Variants in LGR6 observed in about 807,000 individuals in gnomAD.
LGR6 encodes leucine-rich repeat-containing G protein-coupled receptor 6.
LGR6 carries 45 observed loss-of-function variants against 69.4 expected under a neutral mutation model. That is an observed-to-expected ratio of 0.65 (90% CI 0.51 to 0.83). The LOEUF (loss-of-function observed/expected upper bound fraction) is 0.83, where lower values mean the gene tolerates loss of function less well. LGR6 is among the 40% of genes least tolerant of loss of function. LGR6 has a pLI of 0.00. For missense variants in LGR6, 1,108 were observed against 1,246.7 expected, an observed-to-expected ratio of 0.89 and a Z score of 1.68; for synonymous variants, 538 against 555.0, an observed-to-expected ratio of 0.97 and a Z score of 0.43.
At chr1:202,199,393 G>T (rs1445266894) in intron 1 of LGR6, among the ~76,000 whole-genome samples, 1 of 152,026 alleles carries the variant, frequency 6.6e-6, no homozygotes, top group Admixed American at 6.6e-5. Flanking sequence ...GCCGGAGGTG[G>T]GTGAATGTGT....
At chr1:202,265,241 C>T (rs990643441) in intron 4 of LGR6, among the ~76,000 whole-genome samples, 1 of 152,152 alleles carries the variant, frequency 6.6e-6, no homozygotes, top group Non-Finnish European at 1.5e-5. Flanking sequence ...GCTCAGTTGA[C>T]CTCCTCTGCT....
Position 202,193,849 on chromosome 1 carries a change from G to A in LGR6, c.-141G>A, listed in dbSNP as rs1571796741. On this transcript the variant is annotated 5_prime_UTR_variant, in exon 1 of 18. Coordinates refer to ENST00000367278, the MANE Select transcript of LGR6 (RefSeq NM_001017403.2). Reference sequence around the variant, plus strand: ...ACTGCACCGTCCCGGCGCTCCCACCGCCGCCGCCGCCGCCCAATAGAGCCC... The same window carrying A: ...ACTGCACCGTCCCGGCGCTCCCACCACCGCCGCCGCCGCCCAATAGAGCCC... 7.4e-5 allele frequency: 24 copies of A among 325,138 alleles called. No individual in the cohort carries two copies. Among genetic ancestry groups the A allele is most frequent in the East Asian group, 1.3e-4 (2 of 15,968 alleles). The allele number at this position is 325,138 out of a possible 1,614,324, so 20.1% of individuals were successfully genotyped here.
chr1:202,277,625 G>A (rs1418716274), intron 5 of LGR6, among the ~76,000 whole-genome samples: 1 of 152,122 alleles, frequency 6.6e-6, no homozygotes, highest in Non-Finnish European at 1.5e-5. Flanking sequence ...GAAGGAGCAG[G>A]CATTTATTGA....
In LGR6 at chr1:202,252,654, T is replaced by C. The variant is rs538267777; in HGVS notation, c.428+16661T>C. ...GTGGAAAGGAACAGGGCACTGACAA[T>C]ACATAGCCTTTAGGTACTGCCCAGA... is the stretch of plus-strand genomic sequence containing the variant. On this transcript the variant is annotated intron_variant, in intron 4 of 17. Transcript: ENST00000367278. Among the ~76,000 whole-genome samples the C allele has an allele frequency of 5.9e-5, 9 of 152,284 alleles. No individual in the cohort carries two copies. The South Asian group carries it at 1.9e-3, about 32-fold the overall frequency.
At chr1:202,225,586 G>T in intron 2 of LGR6, 92 bp downstream of exon 2, 1 of 1,136,674 alleles carries the variant, frequency 8.8e-7, no homozygotes, top group Non-Finnish European at 1.3e-6. Context: ...GTGGAGAGAA[G>T]AGAAAGGGGC....
chr1:202,216,879 C>T (rs184565770), intron 1 of LGR6, among the ~76,000 whole-genome samples: 6 of 152,362 alleles, frequency 3.9e-5, no homozygotes, highest in Non-Finnish European at 5.9e-5. Context: ...TGAGAAGCTT[C>T]TCCTGGCTCT....
chr1:202,248,705 G>A (rs556519133), intron 4 of LGR6, among the ~76,000 whole-genome samples: 1 of 152,334 alleles, frequency 6.6e-6, no homozygotes, highest in South Asian at 2.1e-4. Context: ...GCAGCCCACA[G>A]AGAGGACATC....
chr1:202,262,730 C>T (rs868693342), intron 4 of LGR6, among the ~76,000 whole-genome samples: 16 of 152,228 alleles, frequency 1.1e-4, no homozygotes, highest in South Asian at 4.1e-4. Flanking sequence ...CCATAATCTT[C>T]GCCCCTTTGT....
At chr1:202,292,329 G>T (rs1237578552) in intron 6 of LGR6, among the ~76,000 whole-genome samples, 2 of 152,224 alleles carry the variant, frequency 1.3e-5, no homozygotes, top group African/African-American at 4.8e-5. Context: ...TCAAATCCTG[G>T]CTGTGACACC....
chr1:202,308,768 A>G (rs1389217033), intron 14 of LGR6, among the ~76,000 whole-genome samples: 1 of 152,210 alleles, frequency 6.6e-6, no homozygotes, highest in Non-Finnish European at 1.5e-5. Flanking sequence ...ACAAATTGGG[A>G]CAGCTTGGCA....
chr1:202,249,093 G>C (rs1343112100), intron 4 of LGR6, among the ~76,000 whole-genome samples: 3 of 152,064 alleles, frequency 2.0e-5, no homozygotes, highest in African/African-American at 4.8e-5. Flanking sequence ...ACTCACCGAG[G>C]CTCCACTGCA....
At chr1:202,260,847 C>T (rs1203536067) in intron 4 of LGR6, among the ~76,000 whole-genome samples, 2 of 152,142 alleles carry the variant, frequency 1.3e-5, no homozygotes, top group South Asian at 2.1e-4. Flanking sequence ...AGATAAGGCT[C>T]CATTTCCCCC....
chr1:202,204,423 A>C (rs1384821008), intron 1 of LGR6, among the ~76,000 whole-genome samples: 5 of 92,032 alleles, frequency 5.4e-5, no homozygotes, highest in Non-Finnish European at 1.1e-4. Context: ...CCACACACAC[A>C]CCTCCAAACA....
chr1:202,278,212 A>T (rs1393734636), intron 5 of LGR6, among the ~76,000 whole-genome samples: 5 of 152,150 alleles, frequency 3.3e-5, no homozygotes, highest in Non-Finnish European at 7.4e-5. Context: ...GGTTCTTGGT[A>T]TCAAAGTCCA....
chr1:202,301,425 T>C (rs1667585802), intron 9 of LGR6, among the ~76,000 whole-genome samples, 190 bp downstream of exon 9: 1 of 152,140 alleles, frequency 6.6e-6, no homozygotes, highest in African/African-American at 2.4e-5. Context: ...TTTAATAGCC[T>C]CCCTCCACCT....
intron 6 of LGR6, among the ~76,000 whole-genome samples, chr1:202,293,354 C>T (rs1389976395): frequency 6.6e-6 from 1 of 152,240 alleles, no homozygotes; most frequent in Non-Finnish European, 1.5e-5. Flanking sequence ...TGTTCTATGA[C>T]ACATGTCACA....
chr1:202,247,785 C>T (rs1194198299), intron 4 of LGR6, among the ~76,000 whole-genome samples: 2 of 152,188 alleles, frequency 1.3e-5, no homozygotes, highest in Non-Finnish European at 2.9e-5. Flanking sequence ...TCACTCTGAT[C>T]CCATCATGAC....
chr1:202,220,671 GC>G (rs1660090881), intron 1 of LGR6, among the ~76,000 whole-genome samples: 1 of 152,182 alleles, frequency 6.6e-6, no homozygotes, highest in African/African-American at 2.4e-5. Context: ...TGTGCTACAT[GC>G]ATGGTAAGTG....
chr1:202,203,928 G>T, intron 1 of LGR6: 1 of 1,320,212 alleles, frequency 7.6e-7, no homozygotes, highest in Non-Finnish European at 1.1e-6. Flanking sequence ...AGCACAGAGG[G>T]GGTGCGATTT....
Sources: allele counts gnomAD v4.1 joint callset (sites outside exome capture counted in the v4.1 genomes callset), GRCh38; gene constraint gnomAD v4.1.1; transcripts MANE v1.5; gene names NCBI Gene and HGNC (gene_info 2026-07-23, HGNC 2026-07-21).